The following TBR1 variants were observed in gnomAD, a reference collection of about 807,000 sequenced individuals.
TBR1 encodes the protein T-box brain protein 1.
A neutral mutation model predicts 60.3 loss-of-function variants in TBR1; 7 were observed. The observed-to-expected ratio is 0.12, with a 90% CI of 0.07 to 0.22. The LOEUF (loss-of-function observed/expected upper bound fraction) is 0.22. TBR1 is among the 10% of genes least tolerant of loss of function. The pLI, the probability that TBR1 is intolerant of heterozygous loss-of-function variation, is 1.00. For synonymous variants in TBR1, 417 were observed against 409.9 expected (o/e 1.02, Z -0.21); for missense variants, 616 against 936.8 (o/e 0.66, Z 4.47).
chr2:161,417,427 C>T lies in TBR1; in HGVS notation c.693-249C>T. On this transcript the variant is annotated intron_variant, in intron 1 of 5. Transcript: ENST00000389554. This position sits in a 1 kb window ranked among gnomAD's most constrained non-coding sequence, Gnocchi z 5.3. ...ACGGACAGGTGGAGACGCAGGTCGC[C>T]AACCTCGCTCTCCACCTGGGCAGTG... is the stretch of plus-strand genomic sequence containing the variant. 1.7e-6 allele frequency: 1 copy of T among 580,224 alleles called. No individual in the cohort carries two copies. The highest frequency in any genetic ancestry group is 2.2e-5 in the South Asian group (1 of 45,160). The allele number at this position is 580,224 out of a possible 1,614,324, so 35.9% of individuals were successfully genotyped here. A position where few individuals can be genotyped will look rare whatever the true frequency, so the allele number is the denominator to read the frequency against.
rs569740133 is a variant in TBR1 at position 161,423,798 on chromosome 2, C to T, written c.1620C>T (p.Ala540=). 9.5e-6 allele frequency: 14 copies of T among 1,477,420 alleles called. No individual in the cohort carries two copies. The East Asian group carries it at 2.9e-4, about 30-fold the overall frequency. The allele number at this position is 1,477,420 out of a possible 1,614,324, so 91.5% of individuals were successfully genotyped here. ...GCTGRPLGYY[A]DPSGWGARSP... is the part of the protein sequence containing the mutation. ...CTGGCCGCCCGCTCGGCTACTACGC[C>T]GACCCGTCGGGCTGGGGCGCCCGCA... Residue 540 remains alanine (A), a synonymous_variant, in exon 6 of 6, where the codon GCC becomes GCT. Coordinates refer to ENST00000389554, the MANE Select transcript of TBR1 (RefSeq NM_006593.4).
At chr2:161,418,446 A>T (rs1426487607) in intron 3 of TBR1, 124 bp downstream of exon 3, 18 of 1,345,138 alleles carry the variant, frequency 1.3e-5, no homozygotes, top group Non-Finnish European at 1.8e-5. Flanking sequence ...AAAAAGACTT[A>T]AAAATTGTAT....
intron 3 of TBR1, chr2:161,418,650 T>A (rs928414087): frequency 7.0e-6 from 4 of 572,542 alleles, no homozygotes; most frequent in African/African-American, 6.0e-5. Flanking sequence ...GCCCTGAGGA[T>A]CGGGCGGTCG....
chr2:161,422,562 GA>G (rs1379195288), intron 5 of TBR1: 2 of 152,194 alleles, frequency 1.3e-5, no homozygotes, highest in Non-Finnish European at 2.9e-5. Flanking sequence ...GGTTTGCCCC[GA>G]AGTTTCTGCG....
At chr2:161,423,342 C>A in intron 5 of TBR1, 27 bp from the exon 6 acceptor site, 1 of 1,276,132 alleles carries the variant, frequency 7.8e-7, no homozygotes, top group Non-Finnish European at 1.0e-6. Flanking sequence ...CCCCTCGGCT[C>A]TCTCTCTCTC....
chr2:161,416,381 C>A lies in TBR1; in HGVS notation c.-30C>A, dbSNP rs1321117755. On this transcript the variant is annotated 5_prime_UTR_variant, in exon 1 of 6. Transcript: ENST00000389554. This position sits in a 1 kb window ranked among gnomAD's most constrained non-coding sequence, Gnocchi z 6.1. Reference sequence around the variant, plus strand: ...TAAATAGGACTTTAAAAACCAGGGACGGGAGGGCGAGTGTTCAGGTTCTAG... The same window carrying A: ...TAAATAGGACTTTAAAAACCAGGGAAGGGAGGGCGAGTGTTCAGGTTCTAG... 6.6e-7 allele frequency: 1 copy of A among 1,513,156 alleles called. No homozygotes were observed. Among genetic ancestry groups the A allele is most frequent in the Non-Finnish European group, 8.9e-7 (1 of 1,125,230 alleles). The allele number at this position is 1,513,156 out of a possible 1,614,324, so 93.7% of individuals were successfully genotyped here.
chr2:161,419,632 GT>G (rs2105280135), intron 4 of TBR1: 1 of 152,632 alleles, frequency 6.6e-6, no homozygotes, highest in East Asian at 1.9e-4. Context: ...GATTTTTCAA[GT>G]TTGCAAAAAC....
At position 161,417,196 on chromosome 2, in the gene TBR1, G is replaced by A. The variant is rs1373652777; in HGVS notation, c.692+94G>A. 7.4e-7 allele frequency: 1 copy of A among 1,359,968 alleles called. No individual in the cohort carries two copies. Among genetic ancestry groups the A allele is most frequent in the Non-Finnish European group, 9.9e-7 (1 of 1,006,174 alleles). The allele number at this position is 1,359,968 out of a possible 1,614,324, so 84.2% of individuals were successfully genotyped here. A position where few individuals can be genotyped will look rare whatever the true frequency, so the allele number is the denominator to read the frequency against. On this transcript the variant is annotated intron_variant, in intron 1 of 5. Transcript: ENST00000389554. The surrounding 1 kb of genome is among the most constrained non-coding windows in gnomAD (Gnocchi z 5.3). Reference sequence around the variant, plus strand: ...GCCGCGGCAGCGACGATTTGGGGTCGGGAGCGGAGTGGAAGGCGCCCTAGA... The same window carrying A: ...GCCGCGGCAGCGACGATTTGGGGTCAGGAGCGGAGTGGAAGGCGCCCTAGA...
Position 161,425,780 on chromosome 2 carries a change from C to T in TBR1, c.*1553C>T, listed in dbSNP as rs530377910. On this transcript the variant is annotated 3_prime_UTR_variant, in exon 6 of 6. Transcript: ENST00000389554. ...TTGTCTGTGAACTGAATAATTTATA[C>T]AAGAACACACTCCATTGAGAAACGT... 1.3e-5 allele frequency: 2 copies of T among 152,276 alleles called. No individual in the cohort carries two copies. The highest frequency in any genetic ancestry group is 2.9e-5 in the Non-Finnish European group (2 of 68,028). The allele number at this position is 152,276 out of a possible 1,614,324, so 9.4% of individuals were successfully genotyped here. A position where few individuals can be genotyped will look rare whatever the true frequency, so the allele number is the denominator to read the frequency against.
chr2:161,420,335 G>T lies in TBR1; in HGVS notation c.1190+78G>T, dbSNP rs997973150. 3.4e-6 allele frequency: 4 copies of T among 1,163,518 alleles called. No individual in the cohort carries two copies. In the African/African-American group the frequency reaches 6.2e-5, roughly 18 times the overall value. The allele number at this position is 1,163,518 out of a possible 1,614,324, so 72.1% of individuals were successfully genotyped here. A position where few individuals can be genotyped will look rare whatever the true frequency, so the allele number is the denominator to read the frequency against. ...TCAAAGGTGTATTATTATGTACAAG[G>T]ATTTTGAAAGCTGGAATGTGTGAAG... On this transcript the variant is annotated intron_variant, in intron 5 of 5. Coordinates refer to ENST00000389554, the MANE Select transcript of TBR1 (RefSeq NM_006593.4).
At chr2:161,419,201 G>C (rs1684185776) in intron 4 of TBR1, 151 bp downstream of exon 4, 1 of 1,149,362 alleles carries the variant, frequency 8.7e-7, no homozygotes, top group Non-Finnish European at 1.2e-6. Context: ...TAGGGCTCGG[G>C]GCCTGCCCAC....
At chr2:161,418,742 C>T (rs1204302578) in intron 3 of TBR1, 150 bp from the exon 4 acceptor site, 2 of 1,103,732 alleles carry the variant, frequency 1.8e-6, no homozygotes, top group African/African-American at 3.3e-5. Flanking sequence ...AGCCAGCCGC[C>T]AGCCAGGCGA....
chr2:161,416,675 G>C lies in TBR1; in HGVS notation c.265G>C (p.Gly89Arg). 6.2e-7 allele frequency: 1 copy of C among 1,614,186 alleles called. No individual in the cohort carries two copies. The highest frequency in any genetic ancestry group is 8.5e-7 in the Non-Finnish European group (1 of 1,180,030). ...AAGTAAACTCTCTCCTGTCTTGGAC[G>C]GGGTCTCTGAGCTTCGTCACAGTTT... Reference protein sequence around the residue: ...QRSKLSPVLDGVSELRHSFDG... With the variant: ...QRSKLSPVLDRVSELRHSFDG... The change falls in exon 1 of 6, where the codon GGG becomes CGG. Residue 89 changes from glycine to arginine, a missense_variant. Physicochemically the swap from Gly to Arg is moderately radical, Grantham distance 125. Transcript: ENST00000389554. This position sits in a 1 kb window ranked among gnomAD's most constrained non-coding sequence, Gnocchi z 6.1.
rs759658969 is a variant in TBR1, at chr2:161,417,628, A to G, written c.693-48A>G. On this transcript the variant is annotated intron_variant, in intron 1 of 5. Coordinates refer to ENST00000389554, the MANE Select transcript of TBR1 (RefSeq NM_006593.4). This position sits in a 1 kb window ranked among gnomAD's most constrained non-coding sequence, Gnocchi z 5.3. ...TTCTTGCATTTAATCTTTAACATTT[A>G]TGTTTCTTTTTTCCTTGTTTTCTCC... 3.8e-6 allele frequency: 6 copies of G among 1,581,972 alleles called. No individual in the cohort carries two copies. In the Admixed American group the frequency reaches 1.1e-4, roughly 29 times the overall value.
At chr2:161,421,943 C>CACACAG (rs1474542422) in intron 5 of TBR1, 1 of 151,530 alleles carries the variant, frequency 6.6e-6, no homozygotes, top group Non-Finnish European at 1.5e-5. Context: ...TCTATACACA[C>CACACAG]ACACACACAC....
chr2:161,416,589 C>T lies in TBR1; in HGVS notation c.179C>T (p.Thr60Met). The T allele has an allele frequency of 6.2e-7, 1 of 1,614,162 alleles. No homozygotes were observed. Among genetic ancestry groups the T allele is most frequent in the Non-Finnish European group, 8.5e-7 (1 of 1,180,030 alleles). The change falls in exon 1 of 6, where the codon ACG becomes ATG. Residue 60 changes from threonine to methionine, a missense_variant. This residue lies in a region of TBR1 where 211 missense variants were observed against 268.7 expected (regional missense o/e 0.79). Coordinates refer to ENST00000389554, the MANE Select transcript of TBR1 (RefSeq NM_006593.4). This position sits in a 1 kb window ranked among gnomAD's most constrained non-coding sequence, Gnocchi z 6.1. ...SPLKKITRGMTNQSDTDNFPD... is the reference protein window; with the variant it reads ...SPLKKITRGMMNQSDTDNFPD... ...TTGAAAAAAATTACCAGGGGGATGA[C>T]GAATCAGTCAGATACAGACAATTTT...
chr2:161,418,867 G>C lies in TBR1; in HGVS notation c.970-25G>C, dbSNP rs748309471. 5.6e-6 allele frequency: 9 copies of C among 1,599,156 alleles called. No homozygotes were observed. The East Asian group carries it at 1.8e-4, about 33-fold the overall frequency. ...CGACCGCGTTAACACGCCACCCGGC[G>C]CTCCCCTTTCTTCCCGCCGGACAGA... is the stretch of plus-strand genomic sequence containing the variant. On this transcript the variant is annotated intron_variant, in intron 3 of 5. Transcript: ENST00000389554.
rs777051782 is a variant in TBR1 at position 161,423,885 on chromosome 2, C to T, written c.1707C>T (p.Ala569=). The T allele has an allele frequency of 1.6e-4, 213 of 1,370,922 alleles. No individual in the cohort carries two copies. Among genetic ancestry groups the T allele is most frequent in the Non-Finnish European group, 2.0e-4 (211 of 1,065,894 alleles). 84.9% of individuals were successfully genotyped at this position (1,370,922 alleles called of 1,614,324 possible). A position where few individuals can be genotyped will look rare whatever the true frequency, so the allele number is the denominator to read the frequency against. The stretch of plus-strand genomic sequence containing the variant: ...TGCTGCCCTGCTGGCCCAACAGCGC[C>T]GCGGCCGCCGCGCGCATGGCCGGCG... ...GSVLPCWPNS[A]AAAARMAGAN... The change falls in exon 6 of 6, where the codon GCC becomes GCT. Residue 569 remains alanine (A), a synonymous_variant. Coordinates refer to ENST00000389554, the MANE Select transcript of TBR1 (RefSeq NM_006593.4).
rs1334509541 is a variant in TBR1, at chr2:161,416,489, T to A, written c.79T>A (p.Ser27Thr). The stretch of plus-strand genomic sequence containing the variant: ...CAATGTGAGCAGCAGCTACCCACAT[T>A]CAGGCGGATCCGAGCTTGTCTTGCA... ...FLNVSSSYPH[S>T]GGSELVLHDH... Residue 27 changes from serine to threonine, a missense_variant, in exon 1 of 6, where the codon TCA becomes ACA. Ser to Thr is a moderately conservative substitution (Grantham distance 58). Around this residue, in one of 8 missense-constraint regions of TBR1, gnomAD observed 211 missense variants for 268.7 expected, o/e 0.79. Transcript: ENST00000389554. This position sits in a 1 kb window ranked among gnomAD's most constrained non-coding sequence, Gnocchi z 6.1. 3 of 1,614,110 alleles carry A rather than the reference T, an allele frequency of 1.9e-6. No individual in the cohort carries two copies. In the East Asian group the frequency reaches 6.7e-5, roughly 36 times the overall value.
Sources: gnomAD v4.1 joint callset for allele counts on GRCh38, gnomAD v4.1.1 for gene constraint, gnomAD v4.1.1 regional missense constraint, Gnocchi (gnomAD v3.1) non-coding constraint, MANE v1.5 for transcripts, NCBI Gene and HGNC (gene_info 2026-07-23, HGNC 2026-07-21) for gene names.